The following ARL15 variants were observed in gnomAD, a reference collection of about 807,000 sequenced individuals.
ARL15 encodes the protein ARF like GTPase 15.
ARL15 carries 19 observed loss-of-function variants against 25.2 expected under a neutral mutation model. The observed-to-expected ratio is 0.75, with a 90% CI of 0.53 to 1.10. The LOEUF (loss-of-function observed/expected upper bound fraction) is 1.10, where lower values mean the gene tolerates loss of function less well. Ranked by LOEUF, ARL15 falls within the 50% of genes least tolerant of loss-of-function variation. The pLI is 0.00. For synonymous variants in ARL15, 94 were observed against 86.8 expected (o/e 1.08, Z -0.46); for missense variants, 220 against 246.0 (o/e 0.89, Z 0.71).
chr5:54,252,835 C>CA (rs1757270656), intron 1 of ARL15, among the ~76,000 whole-genome samples: 2 of 152,136 alleles, frequency 1.3e-5, no homozygotes, highest in African/African-American at 4.8e-5. Flanking sequence ...GCAATCCTTT[C>CA]ACCTCAGCCT....
intron 4 of ARL15, among the ~76,000 whole-genome samples, chr5:53,964,005 T>C (rs187511466): frequency 3.9e-5 from 6 of 152,354 alleles, no homozygotes; most frequent in Non-Finnish European, 7.3e-5. Flanking sequence ...TCTCTTTTTA[T>C]CTGAAGATTG....
intron 4 of ARL15, among the ~76,000 whole-genome samples, chr5:53,985,853 G>A (rs1268848823): frequency 1.3e-5 from 2 of 151,988 alleles, no homozygotes; most frequent in East Asian, 1.9e-4. Context: ...ATTAACCCCC[G>A]TATACTCAAC....
chr5:53,995,196 C>T lies in ARL15; in HGVS notation c.463-108483G>A, dbSNP rs1444200745. On this transcript the variant is annotated intron_variant, in intron 4 of 4. Coordinates refer to ENST00000504924, the MANE Select transcript of ARL15 (RefSeq NM_019087.3). ...TGGTGGTGGGTGACTGTAATCCCAG[C>T]TACTCAGGAGGCTGAGGCAGAGAAT... Among the ~76,000 whole-genome samples the T allele has an allele frequency of 2.7e-5, 4 of 150,696 alleles. No homozygotes were observed. In the East Asian group the frequency reaches 7.9e-4, roughly 30 times the overall value.
intron 1 of ARL15, chr5:54,282,504 T>C (rs1758083631): frequency 2.0e-6 from 2 of 985,442 alleles, no homozygotes; most frequent in Non-Finnish European, 2.4e-6. Context: ...AAGACAGGGA[T>C]AATAAAGTCT....
intron 3 of ARL15, among the ~76,000 whole-genome samples, chr5:54,145,631 C>T (rs1047440559): frequency 4.3e-4 from 65 of 151,246 alleles, no homozygotes; most frequent in African/African-American, 1.4e-3. Flanking sequence ...TGTGTGCGTG[C>T]GTGTGTGTGT....
chr5:54,021,291 T>A (rs997011935), intron 4 of ARL15, among the ~76,000 whole-genome samples: 53 of 151,002 alleles, frequency 3.5e-4, no homozygotes, highest in African/African-American at 1.2e-3. Flanking sequence ...GCTGAGATCA[T>A]GCCATTGCAC....
intron 3 of ARL15, among the ~76,000 whole-genome samples, chr5:54,148,326 CA>C (rs1365742998): frequency 6.6e-6 from 1 of 152,108 alleles, no homozygotes; most frequent in Non-Finnish European, 1.5e-5. Flanking sequence ...TTCCTCCAGG[CA>C]AACAAAGAAA....
intron 1 of ARL15, among the ~76,000 whole-genome samples, chr5:54,222,201 A>C (rs1397678971): frequency 6.6e-6 from 1 of 152,234 alleles, no homozygotes; most frequent in African/African-American, 2.4e-5. Context: ...TTTAAACTTA[A>C]AGAATATATT....
At chr5:54,127,157 T>C (rs1753284219) in intron 3 of ARL15, among the ~76,000 whole-genome samples, 2 of 152,364 alleles carry the variant, frequency 1.3e-5, no homozygotes, top group South Asian at 4.1e-4. Flanking sequence ...TCTATGTCCC[T>C]ACAAAGGACA....
chr5:54,138,209 A>C (rs1258782982), intron 3 of ARL15, among the ~76,000 whole-genome samples: 1 of 152,260 alleles, frequency 6.6e-6, no homozygotes, highest in African/African-American at 2.4e-5. Context: ...ATCCAGGTAC[A>C]GTGGCTCATG....
Position 54,087,699 on chromosome 5 carries a change from A to C in ARL15, c.462+25503T>G. Among the ~76,000 whole-genome samples the C allele has an allele frequency of 2.0e-5, 3 of 152,402 alleles. No homozygotes were observed. The East Asian group carries it at 5.8e-4, about 29-fold the overall frequency. On this transcript the variant is annotated intron_variant, in intron 4 of 4. Coordinates refer to ENST00000504924, the MANE Select transcript of ARL15 (RefSeq NM_019087.3). ...AAAGACAATGGAAGAAGCCAGTAAC[A>C]CTGCTACATCTACAGGAAACAAAAA...
At chr5:54,157,676 G>A (rs1402335621) in intron 2 of ARL15, among the ~76,000 whole-genome samples, 1 of 152,128 alleles carries the variant, frequency 6.6e-6, no homozygotes, top group African/African-American at 2.4e-5. Context: ...CTCCCAAAGT[G>A]CTGGGATTAC....
Position 53,884,905 on chromosome 5 carries a change from A to G in ARL15, c.*1656T>C, listed in dbSNP as rs1192122162. The G allele has an allele frequency of 6.6e-6, 1 of 152,592 alleles. No individual in the cohort carries two copies. Among genetic ancestry groups the G allele is most frequent in the Non-Finnish European group, 1.5e-5 (1 of 68,028 alleles). The allele number at this position is 152,592 out of a possible 1,614,324, so 9.5% of individuals were successfully genotyped here. The stretch of plus-strand genomic sequence containing the variant: ...TGCTCAGGGATTACACAGTGTTAAA[A>G]ATATTCAAGAATGCTGCAGACAAAA... On this transcript the variant is annotated 3_prime_UTR_variant, in exon 5 of 5. Transcript: ENST00000504924.
At chr5:53,947,350 A>AT (rs1302726593) in intron 4 of ARL15, among the ~76,000 whole-genome samples, 1 of 151,998 alleles carries the variant, frequency 6.6e-6, no homozygotes, top group African/African-American at 2.4e-5. Context: ...CTGGAAAGAG[A>AT]TAAAAACACT....
At chr5:54,065,831 C>A (rs1751213810) in intron 4 of ARL15, among the ~76,000 whole-genome samples, 1 of 132,792 alleles carries the variant, frequency 7.5e-6, no homozygotes, top group Non-Finnish European at 1.5e-5. Context: ...TGATTACATA[C>A]AAATGTTATG....
At chr5:53,994,825 T>G (rs1748617466) in intron 4 of ARL15, among the ~76,000 whole-genome samples, 2 of 152,204 alleles carry the variant, frequency 1.3e-5, no homozygotes, top group South Asian at 4.1e-4. Context: ...CACACAAACC[T>G]CAAATCAACA....
At position 53,886,404 on chromosome 5, in the gene ARL15, A is replaced by G; in HGVS notation, c.*157T>C. ...ATGCCGATGATAATTCATCTGATCT[A>G]CAGAATATTCACTTTAATAGAGAGA... On this transcript the variant is annotated 3_prime_UTR_variant, in exon 5 of 5. Transcript: ENST00000504924. The G allele has an allele frequency of 1.3e-6, 1 of 746,028 alleles. No individual in the cohort carries two copies. Among genetic ancestry groups the G allele is most frequent in the South Asian group, 2.1e-5 (1 of 48,116 alleles). 46.2% of individuals were successfully genotyped at this position (746,028 alleles called of 1,614,324 possible). A position where few individuals can be genotyped will look rare whatever the true frequency, so the allele number is the denominator to read the frequency against.
rs539820101 is a variant in ARL15, at chr5:54,262,381, A to C, written c.48+48051T>G. On this transcript the variant is annotated intron_variant, in intron 1 of 4. Transcript: ENST00000504924. ...ATATTTTACCCCAGGTCATTCAATT[A>C]AACAGCAGGGCCTGAATCAGAACGT... is the stretch of plus-strand genomic sequence containing the variant. 2.6e-5 allele frequency among the ~76,000 whole-genome samples: 4 copies of C among 152,310 alleles called. No individual in the cohort carries two copies. The East Asian group carries it at 7.7e-4, about 29-fold the overall frequency.
chr5:54,263,963 C>A (rs1377674432), intron 1 of ARL15, among the ~76,000 whole-genome samples: 2 of 152,042 alleles, frequency 1.3e-5, no homozygotes, highest in Non-Finnish European at 2.9e-5. Context: ...ATGTTAAACT[C>A]CAACCTCTCC....
Sources: gnomAD v4.1 joint callset for allele counts (sites outside exome capture counted in the v4.1 genomes callset) on GRCh38, gnomAD v4.1.1 for gene constraint, MANE v1.5 for transcripts, NCBI Gene and HGNC (gene_info 2026-07-23, HGNC 2026-07-21) for gene names.